NAV3: variants seen among roughly 807,000 people sequenced by gnomAD.
NAV3 encodes the protein pore membrane and/or filament interacting like protein 1.
NAV3 carries 87 observed loss-of-function variants against 244.7 expected under a neutral mutation model. The observed-to-expected ratio is 0.36, with a 90% CI of 0.30 to 0.42. The LOEUF (loss-of-function observed/expected upper bound fraction) is 0.42. Ranked by LOEUF, NAV3 falls within the 20% of genes least tolerant of loss-of-function variation. The pLI is 1.00. For synonymous variants in NAV3, 1,126 were observed against 1,042.2 expected (o/e 1.08, Z -1.55); for missense variants, 2,663 against 2,893.3 (o/e 0.92, Z 1.83).
At chr12:78,088,496 GACATGCGCT>G (rs1268335172) in intron 12 of NAV3, among the ~76,000 whole-genome samples, 38 of 151,994 alleles carry the variant, frequency 2.5e-4, no homozygotes, top group African/African-American at 9.2e-4. Flanking sequence ...TTAGTTTGTT[GACATGCGCT>G]ATTGTAAAAA....
At chr12:78,100,565 C>T (rs1420715256) in intron 12 of NAV3, among the ~76,000 whole-genome samples, 1 of 151,950 alleles carries the variant, frequency 6.6e-6, no homozygotes, top group Admixed American at 6.6e-5. Context: ...CATTAAGTTC[C>T]CTACTTGCAC....
chr12:78,016,003 C>A (rs1372635981), intron 8 of NAV3, among the ~76,000 whole-genome samples: 1 of 152,074 alleles, frequency 6.6e-6, no homozygotes, highest in African/African-American at 2.4e-5. Flanking sequence ...CAAGATTTGG[C>A]CACTGGGAGC....
At chr12:77,609,424 T>G (rs1343056988) in intron 2 of NAV3, among the ~76,000 whole-genome samples, 1 of 152,048 alleles carries the variant, frequency 6.6e-6, no homozygotes, top group Admixed American at 6.6e-5. Flanking sequence ...GAAAATTTCT[T>G]TTATTCCTTC....
chr12:77,791,723 A>C (rs1871184866), intron 2 of NAV3, among the ~76,000 whole-genome samples: 1 of 152,196 alleles, frequency 6.6e-6, no homozygotes, highest in African/African-American at 2.4e-5. Context: ...CCATTCGTAG[A>C]TTCAAACAAT....
At chr12:77,667,287 G>T (rs1402728377) in intron 2 of NAV3, among the ~76,000 whole-genome samples, 2 of 152,134 alleles carry the variant, frequency 1.3e-5, no homozygotes, top group Non-Finnish European at 2.9e-5. Flanking sequence ...CTGGATTGCT[G>T]CCGCAGGCTC....
At chr12:77,650,738 A>G (rs1373908770) in intron 2 of NAV3, among the ~76,000 whole-genome samples, 1 of 152,120 alleles carries the variant, frequency 6.6e-6, no homozygotes, top group Non-Finnish European at 1.5e-5. Context: ...TTGGAGCCTG[A>G]TATCAGTTGC....
intron 12 of NAV3, among the ~76,000 whole-genome samples, chr12:78,083,321 G>T (rs559594277): frequency 6.6e-6 from 1 of 152,066 alleles, no homozygotes; most frequent in African/African-American, 2.4e-5. Flanking sequence ...TCTCATAAAG[G>T]TCTCACTTGT....
At chr12:78,152,941 G>GAATTTC (rs1351258430) in intron 22 of NAV3, among the ~76,000 whole-genome samples, 1 of 151,944 alleles carries the variant, frequency 6.6e-6, no homozygotes, top group Non-Finnish European at 1.5e-5. Flanking sequence ...TTATAGGGAT[G>GAATTTC]AATTTCAATG....
intron 5 of NAV3, among the ~76,000 whole-genome samples, chr12:77,993,271 G>A (rs1871756283): frequency 6.6e-6 from 1 of 152,206 alleles, no homozygotes; most frequent in Admixed American, 6.5e-5. Context: ...TTTAGAGAAA[G>A]TAGGGTAGAC....
chr12:77,587,443 T>C (rs1316953207), intron 2 of NAV3, among the ~76,000 whole-genome samples: 1 of 152,318 alleles, frequency 6.6e-6, no homozygotes, highest in East Asian at 1.9e-4. Context: ...CATATACTTA[T>C]TGTTTTCTTG....
At chr12:78,186,509 G>A (rs1201607764) in intron 31 of NAV3, among the ~76,000 whole-genome samples, 1 of 151,834 alleles carries the variant, frequency 6.6e-6, no homozygotes, top group African/African-American at 2.4e-5. Flanking sequence ...CTTTTCCCAA[G>A]TGGGTCTTTA....
chr12:77,831,900 T>A (rs1873771509), intron 1 of NAV3, among the ~76,000 whole-genome samples, 196 bp downstream of exon 1: 1 of 152,224 alleles, frequency 6.6e-6, no homozygotes, highest in Non-Finnish European at 1.5e-5. Flanking sequence ...GTAAAAGTCA[T>A]GATCAAAATT....
intron 1 of NAV3, among the ~76,000 whole-genome samples, chr12:77,911,549 T>G (rs1886590765): frequency 6.6e-6 from 1 of 152,146 alleles, no homozygotes; most frequent in Admixed American, 6.5e-5. Context: ...AATATCTTGG[T>G]AAATGATCAT....
At chr12:77,766,553 TA>T (rs1869762007) in intron 2 of NAV3, among the ~76,000 whole-genome samples, 1 of 152,088 alleles carries the variant, frequency 6.6e-6, no homozygotes, top group African/African-American at 2.4e-5. Context: ...TTTTAGCATT[TA>T]AAATGTATTG....
intron 5 of NAV3, among the ~76,000 whole-genome samples, chr12:77,970,031 A>AAATGATCACAGAATG (rs1892867428): frequency 6.6e-6 from 1 of 152,202 alleles, no homozygotes; most frequent in Non-Finnish European, 1.5e-5. Flanking sequence ...ATATCAAAAT[A>AAATGATCACAGAATG]AATGATCACA....
rs528933776 is a variant in NAV3, at chr12:77,940,348, A to T, written c.273A>T (p.Leu91=). Residue 91 remains leucine (L), a synonymous_variant, in exon 2 of 40, where the codon CTA becomes CTT. Transcript: ENST00000397909. ...KIYTDWANHY[L]AKSGHKRLIK... is the part of the protein sequence containing the mutation. The stretch of plus-strand genomic sequence containing the variant: ...ACACTGACTGGGCCAACCACTACCT[A>T]GCAAAATCAGGCCACAAGCGGCTGA... The T allele has an allele frequency of 1.4e-5, 23 of 1,613,880 alleles. No homozygotes were observed. The South Asian group carries it at 2.3e-4, about 16-fold the overall frequency.
intron 2 of NAV3, among the ~76,000 whole-genome samples, chr12:77,705,872 T>A (rs1875775693): frequency 6.6e-6 from 1 of 151,556 alleles, no homozygotes; most frequent in East Asian, 1.9e-4. Flanking sequence ...GTCTTATGTT[T>A]TCAGATATTT....
At chr12:77,842,367 C>G (rs1479141803) in intron 1 of NAV3, among the ~76,000 whole-genome samples, 1 of 151,988 alleles carries the variant, frequency 6.6e-6, no homozygotes, top group Non-Finnish European at 1.5e-5. Flanking sequence ...AAGCAGGTCT[C>G]TCTCTTGGTC....
At chr12:77,604,747 C>G (rs1328341731) in intron 2 of NAV3, among the ~76,000 whole-genome samples, 2 of 151,934 alleles carry the variant, frequency 1.3e-5, no homozygotes, top group Admixed American at 6.6e-5. Context: ...TTCTTGTGCC[C>G]TTATTTAGAT....
Sources: allele counts gnomAD v4.1 joint callset (sites outside exome capture counted in the v4.1 genomes callset), GRCh38; gene constraint gnomAD v4.1.1; transcripts MANE v1.5; gene names NCBI Gene and HGNC (gene_info 2026-07-23, HGNC 2026-07-21).